Variants in SATB2 observed in about 807,000 individuals in gnomAD.
The protein encoded by SATB2 is SATB homeobox 2.
In SATB2, 1 loss-of-function variant was observed where a neutral mutation model predicts 73.4. That is an observed-to-expected ratio of 0.01 (90% CI 0.00 to 0.06). SATB2 has a LOEUF of 0.06. SATB2 is among the 10% of genes least tolerant of loss of function. The pLI, the probability that SATB2 is intolerant of heterozygous loss-of-function variation, is 1.00. For synonymous variants in SATB2, 397 were observed against 367.0 expected, an observed-to-expected ratio of 1.08 and a Z score of -0.93; for missense variants, 459 against 945.8, an observed-to-expected ratio of 0.49 and a Z score of 6.75.
At chr2:199,348,478 T>TTC in intron 7 of SATB2, 1 of 562,080 alleles carries the variant, frequency 1.8e-6, no homozygotes, top group South Asian at 2.0e-5. Context: ...GCATGTTGGG[T>TTC]TCAAAGATGT....
At chr2:199,323,725 C>G (rs1687955436) in intron 9 of SATB2, 78 bp downstream of exon 9, 9 of 1,351,940 alleles carry the variant, frequency 6.7e-6, no homozygotes, top group Non-Finnish European at 9.5e-6. Flanking sequence ...ATTATAGGAA[C>G]AGATGTATTT....
At chr2:199,280,311 C>T (rs1005635899) in intron 10 of SATB2, among the ~76,000 whole-genome samples, 5 of 152,046 alleles carry the variant, frequency 3.3e-5, no homozygotes, top group Non-Finnish European at 7.4e-5. Flanking sequence ...GGATGTATGT[C>T]GCCTCAGGAC....
At chr2:199,285,556 T>G (rs1692658904) in intron 10 of SATB2, among the ~76,000 whole-genome samples, 1 of 152,044 alleles carries the variant, frequency 6.6e-6, no homozygotes. Context: ...CACAGTATCC[T>G]AAGGTCAAAA....
intron 8 of SATB2, 57 bp from the exon 9 acceptor site, chr2:199,324,015 C>A: frequency 6.3e-7 from 1 of 1,593,166 alleles, no homozygotes; most frequent in Non-Finnish European, 8.6e-7. Flanking sequence ...GCCCAGCCAT[C>A]TGTGCAGAAA....
chr2:199,364,417 T>A (rs1212527125), intron 6 of SATB2, among the ~76,000 whole-genome samples: 2 of 152,186 alleles, frequency 1.3e-5, no homozygotes, highest in African/African-American at 4.8e-5. Flanking sequence ...TACTGATTAG[T>A]AGAATAAACC....
chr2:199,384,020 AT>A (rs1165015184), intron 3 of SATB2, among the ~76,000 whole-genome samples: 4 of 152,186 alleles, frequency 2.6e-5, no homozygotes, highest in African/African-American at 9.7e-5. Context: ...ATATGCATAC[AT>A]TTTTGTATGT....
In SATB2 at chr2:199,455,031, T is replaced by C. The variant is rs940049970; in HGVS notation, c.169+838A>G. Among the ~76,000 whole-genome samples, 3 of 152,234 alleles carry C rather than the reference T, an allele frequency of 2.0e-5. No homozygotes were observed. Among genetic ancestry groups the C allele is most frequent in the South Asian group, 2.1e-4 (1 of 4,834 alleles). On this transcript the variant is annotated intron_variant, in intron 2 of 10. Transcript: ENST00000417098. The surrounding 1 kb of genome is among the most constrained non-coding windows in gnomAD (Gnocchi z 4.1). ...GCCATGTGGAATTGTGGATTTTACA[T>C]GTAAAAGACAACTAAGCAAATGGCA... is the stretch of plus-strand genomic sequence containing the variant.
intron 3 of SATB2, among the ~76,000 whole-genome samples, chr2:199,410,320 G>A (rs1469696378): frequency 6.6e-6 from 1 of 152,160 alleles, no homozygotes; most frequent in South Asian, 2.1e-4. Flanking sequence ...GATGAACCCA[G>A]CTAAATTCTG....
At chr2:199,447,822 T>C (rs1692008149) in intron 2 of SATB2, among the ~76,000 whole-genome samples, 1 of 45,516 alleles carries the variant, frequency 2.2e-5, no homozygotes, top group African/African-American at 4.0e-5. Context: ...TTCTGCATCT[T>C]CTCCAAGACT....
At chr2:199,443,539 C>CAA (rs10598063) in intron 2 of SATB2, among the ~76,000 whole-genome samples, 2,604 of 133,234 alleles carry the variant, frequency 0.02, 83 homozygotes, top group African/African-American at 0.066. Flanking sequence ...AAAGTTATAG[C>CAA]AAAAAAAAAA....
chr2:199,368,710 GAA>G lies in SATB2; in HGVS notation c.598-5_598-4del. ...TTTACAATGGATGAAATCATACTCT[GAA>G]AAAAAAAATTATAGTTATTTTTTCA... On this transcript the variant is annotated splice_polypyrimidine_tract_variant and splice_region_variant and intron_variant, in intron 5 of 10. Coordinates refer to ENST00000417098, the MANE Select transcript of SATB2 (RefSeq NM_001172509.2). The G allele has an allele frequency of 2.0e-6, 3 of 1,468,288 alleles. No individual in the cohort carries two copies. The highest frequency in any genetic ancestry group is 1.2e-5 in the South Asian group (1 of 83,158). 91.0% of individuals were successfully genotyped at this position (1,468,288 alleles called of 1,614,324 possible). A position where few individuals can be genotyped will look rare whatever the true frequency, so the allele number is the denominator to read the frequency against.
At position 199,334,242 on chromosome 2, in the gene SATB2, TAGA is replaced by T. The variant is rs573538505; in HGVS notation, c.1174-5335_1174-5333del. On this transcript the variant is annotated intron_variant, in intron 7 of 10. Coordinates refer to ENST00000417098, the MANE Select transcript of SATB2 (RefSeq NM_001172509.2). ...AGCACTTCTTTAGAAACATTTGGAC[TAGA>T]TAGAGAAAATAAGCCCTATCCCCTC... is the stretch of plus-strand genomic sequence containing the variant. Among the ~76,000 whole-genome samples, 932 of 152,266 alleles carry T rather than the reference TAGA, an allele frequency of 6.1e-3. 7 individuals carry two copies. Among genetic ancestry groups the T allele is most frequent in the African/African-American group, 0.021 (871 of 41,556 alleles).
chr2:199,439,053 T>C (rs1691732819), intron 2 of SATB2, among the ~76,000 whole-genome samples: 2 of 152,246 alleles, frequency 1.3e-5, no homozygotes, highest in African/African-American at 2.4e-5. Context: ...GTCCAATGGG[T>C]GACCTGTACT....
intron 7 of SATB2, among the ~76,000 whole-genome samples, chr2:199,334,941 A>C (rs1053729007): frequency 6.6e-6 from 1 of 152,038 alleles, no homozygotes; most frequent in African/African-American, 2.4e-5. Flanking sequence ...GAATATTAAC[A>C]GGTTTCCCTG....
intron 10 of SATB2, among the ~76,000 whole-genome samples, chr2:199,287,011 TAAAAGAA>T (rs1346616308): frequency 2.6e-5 from 4 of 152,090 alleles, no homozygotes; most frequent in African/African-American, 9.7e-5. Flanking sequence ...CCAATGATAT[TAAAAGAA>T]CCAACCTGGA....
At chr2:199,355,171 TACAC>T (rs139867776) in intron 6 of SATB2, among the ~76,000 whole-genome samples, 6 of 149,546 alleles carry the variant, frequency 4.0e-5, no homozygotes, top group African/African-American at 1.5e-4. Context: ...AATAAAATAA[TACAC>T]ACACACACAC....
intron 10 of SATB2, among the ~76,000 whole-genome samples, chr2:199,278,919 A>G (rs998916931): frequency 4.6e-5 from 7 of 152,252 alleles, no homozygotes; most frequent in African/African-American, 1.7e-4. Flanking sequence ...GTATATCCAT[A>G]TATCAAACAT....
intron 5 of SATB2, among the ~76,000 whole-genome samples, chr2:199,375,168 A>G (rs1463907113): frequency 3.3e-5 from 5 of 152,172 alleles, no homozygotes; most frequent in Admixed American, 3.3e-4. Flanking sequence ...TCAAGTAAGA[A>G]TAAGTAAGCC....
chr2:199,366,631 G>GAC (rs1689291957), intron 6 of SATB2, among the ~76,000 whole-genome samples: 1 of 151,466 alleles, frequency 6.6e-6, no homozygotes, highest in African/African-American at 2.4e-5. Flanking sequence ...TCCTCCTACT[G>GAC]ACACACACAC....
Sources: allele counts gnomAD v4.1 joint callset (sites outside exome capture counted in the v4.1 genomes callset), GRCh38; gene constraint gnomAD v4.1.1; non-coding constraint Gnocchi (gnomAD v3.1); transcripts MANE v1.5; gene names NCBI Gene and HGNC (gene_info 2026-07-23, HGNC 2026-07-21).